Variants in XPO4 observed in about 807,000 individuals in gnomAD.
XPO4 encodes exportin 4.
Under a neutral mutation model 143.0 loss-of-function variants are expected in XPO4, and 39 were observed. The observed-to-expected ratio is 0.27, with a 90% CI of 0.21 to 0.36. The LOEUF (loss-of-function observed/expected upper bound fraction) is 0.36, where lower values mean the gene tolerates loss of function less well. Among genes scored for constraint, XPO4 ranks in the 10% least tolerant of loss-of-function variants. XPO4 has a pLI of 1.00. For synonymous variants in XPO4, 439 were observed against 474.0 expected, an observed-to-expected ratio of 0.93 and a Z score of 0.96; for missense variants, 907 against 1,348.0, an observed-to-expected ratio of 0.67 and a Z score of 5.12.
rs569169206 is a variant in XPO4, at chr13:20,781,880, T to C, written c.*1842A>G. 6.6e-6 allele frequency: 1 copy of C among 152,112 alleles called. No homozygotes were observed. 9.4% of individuals were successfully genotyped at this position (152,112 alleles called of 1,614,324 possible). On this transcript the variant is annotated 3_prime_UTR_variant, in exon 23 of 23. Coordinates refer to ENST00000255305, the MANE Select transcript of XPO4 (RefSeq NM_022459.5). ...ATTACTGCTGCATATCACTTCAAGT[T>C]TTTTAAGGGGAAAAAAAAAACACCT... is the stretch of plus-strand genomic sequence containing the variant.
intron 1 of XPO4, among the ~76,000 whole-genome samples, chr13:20,893,718 C>T (rs940434004): frequency 1.3e-5 from 2 of 149,784 alleles, no homozygotes; most frequent in African/African-American, 4.9e-5. Flanking sequence ...TGAGCCTAAA[C>T]GTGCATTGCG....
Position 20,780,899 on chromosome 13 carries a change from G to A in XPO4, c.*2823C>T, listed in dbSNP as rs544823980. 5.9e-5 allele frequency: 9 copies of A among 152,170 alleles called. No homozygotes were observed. Among genetic ancestry groups the A allele is most frequent in the Non-Finnish European group, 1.3e-4 (9 of 68,038 alleles). 9.4% of individuals were successfully genotyped at this position (152,170 alleles called of 1,614,324 possible). On this transcript the variant is annotated 3_prime_UTR_variant, in exon 23 of 23. Coordinates refer to ENST00000255305, the MANE Select transcript of XPO4 (RefSeq NM_022459.5). Reference sequence around the variant, plus strand: ...ATCCTTTTAACAGAACAAGAACACAGTTACAGGTGCTACCACATTAACAGA... The same window carrying A: ...ATCCTTTTAACAGAACAAGAACACAATTACAGGTGCTACCACATTAACAGA...
At chr13:20,864,995 T>C (rs1010307745) in intron 2 of XPO4, among the ~76,000 whole-genome samples, 51 of 152,238 alleles carry the variant, frequency 3.4e-4, no homozygotes, top group African/African-American at 1.1e-3. Context: ...AGTAGAAATA[T>C]GCAAGAGATG....
At chr13:20,848,694 T>C in intron 4 of XPO4, 1 of 985,410 alleles carries the variant, frequency 1.0e-6, no homozygotes, top group East Asian at 1.1e-4. Context: ...AAATGTTCAG[T>C]AAATGCTGTT....
In XPO4 at chr13:20,780,227, CTAA is replaced by C. The variant is rs2059126370; in HGVS notation, c.*3492_*3494del. The C allele has an allele frequency of 6.6e-6, 1 of 152,132 alleles. No homozygotes were observed. Among genetic ancestry groups the C allele is most frequent in the Admixed American group, 6.5e-5 (1 of 15,274 alleles). 9.4% of individuals were successfully genotyped at this position (152,132 alleles called of 1,614,324 possible). On this transcript the variant is annotated 3_prime_UTR_variant, in exon 23 of 23. Coordinates refer to ENST00000255305, the MANE Select transcript of XPO4 (RefSeq NM_022459.5). ...AACAATAATTCCTCATCAAAGACAGCTAACTTAGTAAGGTCAATTGACAACCAC... is the reference window on the plus strand; with the variant it reads ...AACAATAATTCCTCATCAAAGACAGCCTTAGTAAGGTCAATTGACAACCAC...
intron 4 of XPO4, chr13:20,849,160 T>C (rs2060059245): frequency 1.0e-6 from 1 of 985,342 alleles, no homozygotes; most frequent in Non-Finnish European, 1.2e-6. Flanking sequence ...TATAATAGCC[T>C]GGCTCTTACC....
At chr13:20,865,511 T>TA (rs2060237360) in intron 2 of XPO4, 1 of 985,090 alleles carries the variant, frequency 1.0e-6, no homozygotes, top group African/African-American at 1.7e-5. Flanking sequence ...TAAATTATTT[T>TA]AGGTCACTTT....
chr13:20,879,248 G>GC, intron 1 of XPO4: 1 of 985,278 alleles, frequency 1.0e-6, no homozygotes, highest in Non-Finnish European at 1.2e-6. Context: ...GATCCTCAGC[G>GC]CAAGGGTAAA....
chr13:20,889,822 G>A (rs985797934), intron 1 of XPO4, among the ~76,000 whole-genome samples: 4 of 152,134 alleles, frequency 2.6e-5, no homozygotes, highest in Non-Finnish European at 4.4e-5. Flanking sequence ...GATACAGTTC[G>A]TAAGTGGGCA....
chr13:20,786,842 A>G, intron 22 of XPO4, 123 bp downstream of exon 22: 1 of 657,816 alleles, frequency 1.5e-6, no homozygotes. Flanking sequence ...TCCTCACTGA[A>G]ACAGAACTGA....
At chr13:20,800,709 GAAAATGTT>G in intron 14 of XPO4, 114 bp downstream of exon 14, 1 of 1,261,162 alleles carries the variant, frequency 7.9e-7, no homozygotes, top group Non-Finnish European at 1.1e-6. Context: ...CTTCCACACA[GAAAATGTT>G]AAACTGCTCT....
intron 4 of XPO4, among the ~76,000 whole-genome samples, chr13:20,844,433 T>C (rs1566602200): frequency 6.6e-6 from 1 of 152,194 alleles, no homozygotes; most frequent in Non-Finnish European, 1.5e-5. Flanking sequence ...TGAAGATTTT[T>C]CTTCTCATTG....
At chr13:20,816,427 C>T (rs944764267) in intron 9 of XPO4, among the ~76,000 whole-genome samples, 3 of 152,118 alleles carry the variant, frequency 2.0e-5, no homozygotes, top group Admixed American at 6.5e-5. Flanking sequence ...AATAAATCCA[C>T]GTCTAGTTAT....
At chr13:20,787,359 A>C in intron 21 of XPO4, 122 bp downstream of exon 21, 1 of 900,798 alleles carries the variant, frequency 1.1e-6, no homozygotes, top group Non-Finnish European at 1.8e-6. Context: ...AGTGAACAGG[A>C]AGTCATGGTT....
intron 1 of XPO4, among the ~76,000 whole-genome samples, chr13:20,882,152 A>C (rs2060417639): frequency 6.6e-6 from 1 of 151,854 alleles, no homozygotes; most frequent in Admixed American, 6.6e-5. Context: ...AAAATTGGGA[A>C]AAACTGAAGA....
chr13:20,823,534 C>T (rs1279862731), intron 7 of XPO4, among the ~76,000 whole-genome samples: 3 of 151,228 alleles, frequency 2.0e-5, no homozygotes, highest in Admixed American at 6.6e-5. Flanking sequence ...TGGCCCCCGC[C>T]TGTTTTTGTA....
rs1287553219 is a variant in XPO4, at chr13:20,796,971, C to T, written c.2409G>A (p.Gln803=). ...GGGCCTCTAGTGTGGCAGTGATTTCCTGCTTGACTTCCTCTTGCTGACACA... is the reference window on the plus strand; with the variant it reads ...GGGCCTCTAGTGTGGCAGTGATTTCTTGCTTGACTTCCTCTTGCTGACACA... ...QQMCQQEEVK[Q]EITATLEALC... Residue 803 remains glutamine (Q), a synonymous_variant, in exon 17 of 23, where the codon CAG becomes CAA. Coordinates refer to ENST00000255305, the MANE Select transcript of XPO4 (RefSeq NM_022459.5). The T allele has an allele frequency of 6.2e-7, 1 of 1,613,492 alleles. No individual in the cohort carries two copies. The highest frequency in any genetic ancestry group is 8.5e-7 in the Non-Finnish European group (1 of 1,179,762).
chr13:20,900,129 G>A (rs546917259), intron 1 of XPO4, among the ~76,000 whole-genome samples: 1 of 152,328 alleles, frequency 6.6e-6, no homozygotes, highest in Middle Eastern at 3.4e-3. Flanking sequence ...GCTCACGCCT[G>A]TAATCCAAGC....
chr13:20,899,337 T>G (rs1208330854), intron 1 of XPO4, among the ~76,000 whole-genome samples: 1 of 140,552 alleles, frequency 7.1e-6, no homozygotes, highest in African/African-American at 2.6e-5. Context: ...CATGGTTGAG[T>G]AAAAAAAGTA....
Sources: gnomAD v4.1 joint callset for allele counts (sites outside exome capture counted in the v4.1 genomes callset) on GRCh38, gnomAD v4.1.1 for gene constraint, MANE v1.5 for transcripts, NCBI Gene and HGNC (gene_info 2026-07-23, HGNC 2026-07-21) for gene names.